SLC38A6: variants seen among roughly 807,000 people sequenced by gnomAD.
The protein encoded by SLC38A6 is N system amino acid transporter NAT-1.
SLC38A6 carries 73 observed loss-of-function variants against 65.0 expected under a neutral mutation model. The ratio of observed to expected loss-of-function variants is 1.12; its 90% CI spans 0.93 to 1.37. The LOEUF is 1.37. Ranked by LOEUF, SLC38A6 falls within the 40% of genes most tolerant of loss-of-function variation. The probability of loss-of-function intolerance (pLI) is 0.00; values close to 1 mark genes in which losing one functional copy is unlikely to be tolerated. For synonymous variants in SLC38A6, 183 were observed against 178.8 expected, an observed-to-expected ratio of 1.02 and a Z score of -0.19; for missense variants, 561 against 531.1, an observed-to-expected ratio of 1.06 and a Z score of -0.55.
intron 16 of SLC38A6, among the ~76,000 whole-genome samples, chr14:61,080,879 T>C (rs992394223): frequency 3.9e-5 from 6 of 152,172 alleles, no homozygotes; most frequent in African/African-American, 1.2e-4. Flanking sequence ...AATTTAAGGC[T>C]CATTTACACA....
At chr14:61,015,151 G>A (rs1020391792) in intron 3 of SLC38A6, among the ~76,000 whole-genome samples, 1 of 152,190 alleles carries the variant, frequency 6.6e-6, no homozygotes, top group African/African-American at 2.4e-5. Context: ...AGCAATGAGC[G>A]AGGCTCCGTG....
intron 3 of SLC38A6, among the ~76,000 whole-genome samples, chr14:60,994,434 A>C (rs777813925): frequency 6.6e-6 from 1 of 152,004 alleles, no homozygotes; most frequent in East Asian, 1.9e-4. Context: ...AATCCCAGCT[A>C]CTCAGGAGGC....
intron 15 of SLC38A6, among the ~76,000 whole-genome samples, chr14:61,067,916 A>G (rs2043084330): frequency 6.6e-6 from 1 of 152,042 alleles, no homozygotes; most frequent in African/African-American, 2.4e-5. Context: ...TTTTCATCCC[A>G]TTCACAGATA....
intron 6 of SLC38A6, among the ~76,000 whole-genome samples, chr14:61,036,805 T>A (rs1374258366): frequency 6.6e-6 from 1 of 152,206 alleles, no homozygotes; most frequent in Admixed American, 6.5e-5. Context: ...ATCTTATTTT[T>A]AAATATTTAT....
At chr14:60,989,579 T>G (rs2037710111) in intron 3 of SLC38A6, among the ~76,000 whole-genome samples, 1 of 151,808 alleles carries the variant, frequency 6.6e-6, no homozygotes, top group African/African-American at 2.4e-5. Flanking sequence ...ATACAAAAAT[T>G]TGTGTGAGGT....
rs536811856 is a variant in SLC38A6, at chr14:61,008,918, T to C, written c.311-6986T>C. On this transcript the variant is annotated intron_variant, in intron 3 of 15. Coordinates refer to ENST00000267488, the MANE Select transcript of SLC38A6 (RefSeq NM_153811.3). ...CCAATGAAACATTTGGACAATGTGG[T>C]ATGCAAGTACTGTATAGTAAGAAGT... Among the ~76,000 whole-genome samples, 3 of 152,306 alleles carry C rather than the reference T, an allele frequency of 2.0e-5. No individual in the cohort carries two copies. In the East Asian group the frequency reaches 5.8e-4, roughly 29 times the overall value.
intron 3 of SLC38A6, among the ~76,000 whole-genome samples, chr14:60,998,354 A>G (rs1193385387): frequency 6.6e-6 from 1 of 152,102 alleles, no homozygotes; most frequent in Non-Finnish European, 1.5e-5. Flanking sequence ...ACAGAGGAGC[A>G]GAAGAGGAGC....
At chr14:61,034,484 G>C (rs1428964859) in intron 6 of SLC38A6, among the ~76,000 whole-genome samples, 1 of 152,072 alleles carries the variant, frequency 6.6e-6, no homozygotes, top group Non-Finnish European at 1.5e-5. Context: ...ATCTCCTTTG[G>C]TACTCCTTTG....
intron 15 of SLC38A6, among the ~76,000 whole-genome samples, chr14:61,065,828 C>A (rs552076262): frequency 6.6e-6 from 1 of 152,278 alleles, no homozygotes; most frequent in Non-Finnish European, 1.5e-5. Context: ...CTCTGTCCTG[C>A]ATGTTTGCAG....
At chr14:61,083,409 C>T (rs2043734065) in intron 16 of SLC38A6, 1 of 1,263,530 alleles carries the variant, frequency 7.9e-7, no homozygotes, top group Non-Finnish European at 1.1e-6. Flanking sequence ...AATTGTGTTC[C>T]AACCCCAAAT....
intron 5 of SLC38A6, among the ~76,000 whole-genome samples, chr14:61,023,495 C>A (rs899114081): frequency 7.9e-5 from 12 of 151,484 alleles, no homozygotes; most frequent in Non-Finnish European, 1.2e-4. Context: ...ATCGTTTAAA[C>A]CCGGTAGACG....
intron 3 of SLC38A6, among the ~76,000 whole-genome samples, chr14:60,997,702 T>C (rs1375676386): frequency 6.6e-6 from 1 of 152,078 alleles, no homozygotes; most frequent in East Asian, 1.9e-4. Context: ...AGAAACAGGT[T>C]AACAAATGGT....
chr14:60,994,175 G>A (rs940603745), intron 3 of SLC38A6, among the ~76,000 whole-genome samples: 2 of 152,208 alleles, frequency 1.3e-5, no homozygotes, highest in Non-Finnish European at 2.9e-5. Context: ...AAATCTGGAA[G>A]CAACTAAAAT....
chr14:61,047,835 T>C (rs990776665), intron 12 of SLC38A6, among the ~76,000 whole-genome samples: 3 of 152,022 alleles, frequency 2.0e-5, no homozygotes, highest in Non-Finnish European at 4.4e-5. Flanking sequence ...TTCTTCAGAG[T>C]ATGCAAATTT....
intron 12 of SLC38A6, among the ~76,000 whole-genome samples, chr14:61,047,400 T>C (rs562038896): frequency 2.6e-5 from 4 of 152,274 alleles, no homozygotes; most frequent in African/African-American, 9.6e-5. Context: ...TTATATATAC[T>C]CCCTAACTTA....
intron 3 of SLC38A6, among the ~76,000 whole-genome samples, chr14:61,010,643 C>G (rs1263694376): frequency 6.6e-6 from 1 of 152,146 alleles, no homozygotes; most frequent in Non-Finnish European, 1.5e-5. Flanking sequence ...ATAGGGAATC[C>G]TTTCCCCATT....
chr14:61,011,998 GAT>G (rs2039610426), intron 3 of SLC38A6, among the ~76,000 whole-genome samples: 1 of 152,202 alleles, frequency 6.6e-6, no homozygotes. Flanking sequence ...ATTCGGCTGT[GAT>G]TGCATCTGGT....
intron 15 of SLC38A6, among the ~76,000 whole-genome samples, chr14:61,077,853 T>C (rs1271580251): frequency 6.6e-6 from 1 of 152,246 alleles, no homozygotes; most frequent in Non-Finnish European, 1.5e-5. Flanking sequence ...TTGTTACTTC[T>C]ATAGTAAAAC....
At chr14:61,004,765 G>A (rs2038967580) in intron 3 of SLC38A6, 1 of 152,338 alleles carries the variant, frequency 6.6e-6, no homozygotes, top group Admixed American at 6.5e-5. Context: ...GGTACAAGGA[G>A]GAACTGGTAC....
Sources: allele counts gnomAD v4.1 joint callset (sites outside exome capture counted in the v4.1 genomes callset), GRCh38; gene constraint gnomAD v4.1.1; transcripts MANE v1.5; gene names NCBI Gene and HGNC (gene_info 2026-07-23, HGNC 2026-07-21).